The following SEMA6D variants were observed in gnomAD, a reference collection of about 807,000 sequenced individuals.
SEMA6D encodes the protein semaphorin 6D.
A neutral mutation model predicts 106.6 loss-of-function variants in SEMA6D; 35 were observed. The ratio of observed to expected loss-of-function variants is 0.33; its 90% CI spans 0.25 to 0.44. SEMA6D has a LOEUF of 0.44. SEMA6D is among the 20% of genes least tolerant of loss of function. The pLI is 1.00. For missense variants in SEMA6D, 1,185 were observed against 1,345.9 expected, an observed-to-expected ratio of 0.88 and a Z score of 1.87; for synonymous variants, 499 against 487.7, an observed-to-expected ratio of 1.02 and a Z score of -0.31.
chr15:47,714,834 G>A (rs28394477), upstream of SEMA6D, among the ~76,000 whole-genome samples: 28,406 of 152,136 alleles, frequency 0.19, 3,343 homozygotes, highest in Non-Finnish European at 0.25. Flanking sequence ...TGAGAAAGTC[G>A]TAGGTTCCAT....
At chr15:47,709,888 A>T (rs2078982240) in intron 4 of SEMA6D, among the ~76,000 whole-genome samples, 1 of 152,128 alleles carries the variant, frequency 6.6e-6, no homozygotes, top group Non-Finnish European at 1.5e-5. Flanking sequence ...GGCAAAAAAA[A>T]AAAAAAGTCA....
At chr15:47,701,963 A>G (rs916053646) in intron 4 of SEMA6D, among the ~76,000 whole-genome samples, 18 of 152,206 alleles carry the variant, frequency 1.2e-4, no homozygotes, top group African/African-American at 4.3e-4. Flanking sequence ...AGTAGACAGA[A>G]AAAGTGGCCC....
intron 4 of SEMA6D, among the ~76,000 whole-genome samples, chr15:47,689,782 C>G (rs1393883072): frequency 6.6e-6 from 1 of 152,226 alleles, no homozygotes. Flanking sequence ...TCCATTCCCT[C>G]CCCTTCTTCT....
At chr15:47,662,409 C>T (rs118150600) in intron 4 of SEMA6D, among the ~76,000 whole-genome samples, 1,542 of 152,262 alleles carry the variant, frequency 0.01, 16 homozygotes, top group South Asian at 0.045. Context: ...TCAAAATAAC[C>T]AAGTCTGTAT....
intron 1 of SEMA6D, among the ~76,000 whole-genome samples, chr15:47,241,642 A>G (rs947190967): frequency 2.0e-5 from 3 of 151,862 alleles, no homozygotes; most frequent in African/African-American, 2.4e-5. Context: ...TCAAACCAAC[A>G]GGGAGAGGAG....
At chr15:47,379,839 C>T (rs1226176801) in intron 1 of SEMA6D, among the ~76,000 whole-genome samples, 1 of 152,170 alleles carries the variant, frequency 6.6e-6, no homozygotes, top group Non-Finnish European at 1.5e-5. Flanking sequence ...CTCACAGCAA[C>T]CTCCACTTCC....
intron 3 of SEMA6D, among the ~76,000 whole-genome samples, chr15:47,578,414 G>A (rs2076194282): frequency 6.6e-6 from 1 of 152,104 alleles, no homozygotes; most frequent in South Asian, 2.1e-4. Flanking sequence ...GTTTATGTGC[G>A]TTCACATGGA....
chr15:47,322,022 A>G (rs1276019718), intron 1 of SEMA6D, among the ~76,000 whole-genome samples: 1 of 152,190 alleles, frequency 6.6e-6, no homozygotes. Context: ...GATAAAATAG[A>G]AAACTGTATT....
chr15:47,674,994 G>A (rs1321995083), intron 4 of SEMA6D, among the ~76,000 whole-genome samples: 5 of 152,108 alleles, frequency 3.3e-5, no homozygotes, highest in East Asian at 1.9e-4. Flanking sequence ...GTGAGCCTCC[G>A]CATGAGCAAA....
At chr15:47,376,783 C>T (rs2039465067) in intron 1 of SEMA6D, among the ~76,000 whole-genome samples, 1 of 152,156 alleles carries the variant, frequency 6.6e-6, no homozygotes, top group Non-Finnish European at 1.5e-5. Flanking sequence ...TTAAGTACCC[C>T]CAATCTCCTC....
chr15:47,618,742 G>A (rs547554306), intron 4 of SEMA6D, among the ~76,000 whole-genome samples: 1 of 152,322 alleles, frequency 6.6e-6, no homozygotes, highest in South Asian at 2.1e-4. Context: ...AGCCAGAGTT[G>A]AATGACTGCT....
chr15:47,615,271 C>G (rs942395021), intron 4 of SEMA6D, among the ~76,000 whole-genome samples: 1 of 152,040 alleles, frequency 6.6e-6, no homozygotes, highest in African/African-American at 2.4e-5. Context: ...TAGAAGTAAT[C>G]GACAGTGATT....
At chr15:47,525,625 A>C (rs2044728967) in intron 3 of SEMA6D, among the ~76,000 whole-genome samples, 1 of 152,182 alleles carries the variant, frequency 6.6e-6, no homozygotes, top group Admixed American at 6.5e-5. Context: ...AGGGAGCCTC[A>C]CTTCTAATAT....
chr15:47,546,999 G>A (rs2142321605), intron 3 of SEMA6D, among the ~76,000 whole-genome samples: 1 of 152,138 alleles, frequency 6.6e-6, no homozygotes, highest in East Asian at 1.9e-4. Context: ...CCTGCATCAG[G>A]AAGAGTCAGT....
At chr15:47,238,982 GT>G (rs1174170912) in intron 1 of SEMA6D, among the ~76,000 whole-genome samples, 1 of 152,178 alleles carries the variant, frequency 6.6e-6, no homozygotes, top group African/African-American at 2.4e-5. Context: ...GCCATGGGCT[GT>G]TACTGGGCCA....
At chr15:47,758,207 A>G (rs1013191807) in intron 1 of SEMA6D, among the ~76,000 whole-genome samples, 2 of 152,182 alleles carry the variant, frequency 1.3e-5, no homozygotes, top group Non-Finnish European at 2.9e-5. Flanking sequence ...ACTCACATAT[A>G]CTTGACTTGT....
In SEMA6D at chr15:47,250,378, GAA is replaced by G. The variant is rs1322434893; in HGVS notation, c.-239+65962_-239+65963del. Among the ~76,000 whole-genome samples the G allele has an allele frequency of 2.6e-5, 4 of 151,088 alleles. No individual in the cohort carries two copies. In the South Asian group the frequency reaches 6.3e-4, roughly 24 times the overall value. The stretch of plus-strand genomic sequence containing the variant: ...GGAGAGGGAGAGAGGGAGGGAGAGA[GAA>G]AGAGAAAAAGAGAAAGAGAAAGAAA... On this transcript the variant is annotated intron_variant, in intron 1 of 19. Coordinates refer to the SEMA6D transcript ENST00000558014.
intron 1 of SEMA6D, among the ~76,000 whole-genome samples, chr15:47,235,280 T>G (rs2032466527): frequency 1.3e-5 from 2 of 152,092 alleles, no homozygotes; most frequent in South Asian, 2.1e-4. Context: ...TTTCTTCCAT[T>G]TTGTGAGTTG....
intron 3 of SEMA6D, among the ~76,000 whole-genome samples, chr15:47,525,925 C>A (rs2044741213): frequency 6.6e-6 from 1 of 152,056 alleles, no homozygotes; most frequent in Non-Finnish European, 1.5e-5. Flanking sequence ...CGAAACAAGT[C>A]CAGTAGGGCA....
Sources: gnomAD v4.1 joint callset for allele counts (sites outside exome capture counted in the v4.1 genomes callset) on GRCh38, gnomAD v4.1.1 for gene constraint, MANE v1.5 for transcripts, NCBI Gene and HGNC (gene_info 2026-07-23, HGNC 2026-07-21) for gene names.